The following RMND1 variants were observed in gnomAD, a reference collection of about 807,000 sequenced individuals.
RMND1 encodes required for meiotic nuclear division 1 homolog.
A neutral mutation model predicts 54.0 loss-of-function variants in RMND1; 41 were observed. The observed-to-expected ratio is 0.76, with a 90% confidence interval of 0.59 to 0.98. RMND1 has a LOEUF of 0.98. Among genes scored for constraint, RMND1 ranks in the 50% least tolerant of loss-of-function variants. RMND1 has a pLI of 0.00. For missense variants in RMND1, 457 were observed against 532.0 expected (o/e 0.86, Z 1.39); for synonymous variants, 183 against 181.7 (o/e 1.01, Z -0.06).
chr6:151,409,920 A>G (rs1779755238), intron 10 of RMND1, among the ~76,000 whole-genome samples: 1 of 152,130 alleles, frequency 6.6e-6, no homozygotes, highest in Non-Finnish European at 1.5e-5. Flanking sequence ...GTCCCATGAC[A>G]CTGTGTAACT....
intron 2 of RMND1, 65 bp from the exon 3 acceptor site, chr6:151,436,619 A>G: frequency 6.5e-7 from 1 of 1,541,660 alleles, no homozygotes; most frequent in Non-Finnish European, 8.9e-7. Context: ...ACGGCTGCTG[A>G]GCACCCTACT....
intron 3 of RMND1, among the ~76,000 whole-genome samples, chr6:151,433,939 A>ACCCCCCCCCCCCCC (rs143471784): frequency 7.0e-5 from 6 of 86,174 alleles, no homozygotes; most frequent in African/African-American, 1.7e-4. Flanking sequence ...AACTCAAGGG[A>ACCCCCCCCCCCCCC]CCCCCCCCCG....
At chr6:151,412,053 C>G (rs1018881418) in intron 10 of RMND1, 1 of 152,274 alleles carries the variant, frequency 6.6e-6, no homozygotes, top group Non-Finnish European at 1.5e-5. Context: ...TTTGCTGTTT[C>G]ATCCAGGCTG....
At chr6:151,415,049 GA>G (rs112952135) in intron 10 of RMND1, among the ~76,000 whole-genome samples, 30,939 of 142,590 alleles carry the variant, frequency 0.22, 4,061 homozygotes, top group African/African-American at 0.39. Flanking sequence ...TAAAGTTCTT[GA>G]AAAAAAAAAA....
chr6:151,431,498 G>C (rs1780447251), intron 4 of RMND1, among the ~76,000 whole-genome samples: 1 of 152,114 alleles, frequency 6.6e-6, no homozygotes, highest in Admixed American at 6.6e-5. Context: ...GGATTTGAGA[G>C]GTATTTCAAG....
chr6:151,450,334 A>T (rs1367776775), intron 1 of RMND1, among the ~76,000 whole-genome samples: 1 of 142,496 alleles, frequency 7.0e-6, no homozygotes, highest in East Asian at 2.2e-4. Context: ...TCCGCCCGGC[A>T]GCCACCCCAT....
chr6:151,430,074 C>T, intron 5 of RMND1, 64 bp downstream of exon 5: 1 of 1,003,994 alleles, frequency 1.0e-6, no homozygotes, highest in Non-Finnish European at 1.6e-6. Context: ...TCAGTATGTG[C>T]TAATTAACAA....
Position 151,404,839 on chromosome 6 carries a change from A to G in RMND1, c.*396T>C, listed in dbSNP as rs1440202538. On this transcript the variant is annotated 3_prime_UTR_variant, in exon 12 of 12. Coordinates refer to ENST00000444024, the MANE Select transcript of RMND1 (RefSeq NM_017909.4). Reference sequence around the variant, plus strand: ...TCTTGATTAAAAAAACACCTATTAAATGATCACCCAGTAGTGAACATTTAT... The same window carrying G: ...TCTTGATTAAAAAAACACCTATTAAGTGATCACCCAGTAGTGAACATTTAT... The G allele has an allele frequency of 6.4e-6, 1 of 155,700 alleles. No homozygotes were observed. The highest frequency in any genetic ancestry group is 1.4e-5 in the Non-Finnish European group (1 of 71,208). The allele number at this position is 155,700 out of a possible 1,614,324, so 9.6% of individuals were successfully genotyped here. A position where few individuals can be genotyped will look rare whatever the true frequency, so the allele number is the denominator to read the frequency against.
chr6:151,421,335 A>G lies in RMND1; in HGVS notation c.1003-14T>C. On this transcript the variant is annotated splice_polypyrimidine_tract_variant and intron_variant, in intron 8 of 11. Coordinates refer to ENST00000444024, the MANE Select transcript of RMND1 (RefSeq NM_017909.4). ...AGCTTTTAAAGCCTAGTTGAGAGGG[A>G]ATCGGAAAAACCAAAAAACCATGTA... The G allele has an allele frequency of 6.3e-7, 1 of 1,598,364 alleles. No individual in the cohort carries two copies.
chr6:151,421,093 G>A, intron 9 of RMND1, 152 bp downstream of exon 9: 2 of 611,654 alleles, frequency 3.3e-6, no homozygotes, highest in Non-Finnish European at 5.8e-6. Context: ...CTTCTAATGG[G>A]TAAGAGTTCT....
chr6:151,443,997 A>G (rs563187090), intron 2 of RMND1, among the ~76,000 whole-genome samples: 6 of 152,360 alleles, frequency 3.9e-5, no homozygotes, highest in Admixed American at 2.6e-4. Flanking sequence ...ACTATGTTGA[A>G]TGTTGAAAAT....
At chr6:151,428,757 C>A (rs1677795913) in intron 5 of RMND1, among the ~76,000 whole-genome samples, 1 of 152,092 alleles carries the variant, frequency 6.6e-6, no homozygotes, top group Non-Finnish European at 1.5e-5. Context: ...TGGTCTGGAA[C>A]TCCTGAGCTT....
chr6:151,418,390 G>A (rs924273852), intron 9 of RMND1: 1 of 151,764 alleles, frequency 6.6e-6, no homozygotes, highest in Non-Finnish European at 1.5e-5. Flanking sequence ...CTCCAGCCTA[G>A]GCAACATAGT....
intron 10 of RMND1, chr6:151,408,629 A>G (rs2114914004): frequency 6.6e-6 from 1 of 152,362 alleles, no homozygotes; most frequent in South Asian, 2.1e-4. Context: ...AATTAAAGTT[A>G]TTAATTAGCT....
rs767741216 is a variant in RMND1 at position 151,423,513 on chromosome 6, G to T, written c.937+12C>A. ...ACTGTAGTACCCTATCCCATAAGCA[G>T]TAGTAACTTACCAGAAAGGCATAGA... On this transcript the variant is annotated intron_variant, in intron 7 of 11. Coordinates refer to ENST00000444024, the MANE Select transcript of RMND1 (RefSeq NM_017909.4). 8 of 1,530,444 alleles carry T rather than the reference G, an allele frequency of 5.2e-6. No individual in the cohort carries two copies. The Admixed American group carries it at 1.3e-4, about 26-fold the overall frequency. The allele number at this position is 1,530,444 out of a possible 1,614,324, so 94.8% of individuals were successfully genotyped here.
At chr6:151,428,847 T>C (rs188678212) in intron 5 of RMND1, among the ~76,000 whole-genome samples, 1 of 152,276 alleles carries the variant, frequency 6.6e-6, no homozygotes, top group Admixed American at 6.5e-5. Context: ...ACTTATAATA[T>C]TGCTAGCCTG....
intron 10 of RMND1, among the ~76,000 whole-genome samples, chr6:151,415,931 G>A (rs1171808603): frequency 1.3e-5 from 2 of 152,052 alleles, no homozygotes; most frequent in African/African-American, 2.4e-5. Context: ...AGGGCAGTGT[G>A]ACTATACAGG....
chr6:151,450,186 T>A (rs1262461335), intron 1 of RMND1, among the ~76,000 whole-genome samples: 18 of 130,614 alleles, frequency 1.4e-4, no homozygotes, highest in African/African-American at 5.4e-4. Context: ...CCGGCCGCCA[T>A]CCCATCTAGG....
intron 6 of RMND1, among the ~76,000 whole-genome samples, chr6:151,424,227 G>A (rs1014657654): frequency 3.3e-5 from 5 of 152,078 alleles, no homozygotes; most frequent in Admixed American, 6.5e-5. Context: ...CCGGGAGGCC[G>A]AGGCAGGTGG....
Sources: allele counts gnomAD v4.1 joint callset (sites outside exome capture counted in the v4.1 genomes callset), GRCh38; gene constraint gnomAD v4.1.1; transcripts MANE v1.5; gene names NCBI Gene and HGNC (gene_info 2026-07-23, HGNC 2026-07-21).